BYSL: variants seen among roughly 807,000 people sequenced by gnomAD.
BYSL encodes the protein bystin.
A neutral mutation model predicts 45.4 loss-of-function variants in BYSL; 21 were observed. That is an observed-to-expected ratio of 0.46 (90% CI 0.33 to 0.67). The LOEUF (loss-of-function observed/expected upper bound fraction) is 0.67, where lower values mean the gene tolerates loss of function less well. BYSL is among the 30% of genes least tolerant of loss of function. The pLI is 0.02. For synonymous variants in BYSL, 215 were observed against 231.3 expected, an observed-to-expected ratio of 0.93 and a Z score of 0.64; for missense variants, 522 against 578.5, an observed-to-expected ratio of 0.90 and a Z score of 1.00.
intron 1 of BYSL, among the ~76,000 whole-genome samples, chr6:41,925,249 T>G (rs567055751): frequency 6.6e-6 from 1 of 152,222 alleles, no homozygotes; most frequent in Non-Finnish European, 1.5e-5. Context: ...CCTTTGTTGT[T>G]AATGACCTAT....
At chr6:41,921,100 C>T, upstream of BYSL, 1 of 1,560,314 alleles carries the variant, frequency 6.4e-7, no homozygotes, top group Non-Finnish European at 8.8e-7. Context: ...CTTCAGTTCC[C>T]CAACACAACC....
At chr6:41,916,317 C>T in the BYSL span, among the ~76,000 whole-genome samples, 1 of 151,904 alleles carries the variant, frequency 6.6e-6, no homozygotes, top group East Asian at 1.9e-4. Context: ...CAGTGGCTCA[C>T]GCCTGTAATC....
chr6:41,923,733 C>T lies in BYSL; in HGVS notation c.268+1903C>T, dbSNP rs72867183. The stretch of plus-strand genomic sequence containing the variant: ...TACAGGTGTGAGCTACTGCACCCTG[C>T]CGTGTCTCATACTCTCTACAAAGTA... On this transcript the variant is annotated intron_variant, in intron 1 of 6. Transcript: ENST00000230340. Among the ~76,000 whole-genome samples, 552 of 152,284 alleles carry T rather than the reference C, an allele frequency of 3.6e-3. 3 individuals carry two copies. Among genetic ancestry groups the T allele is most frequent in the Non-Finnish European group, 6.0e-3 (407 of 68,022 alleles).
intron 2 of BYSL, among the ~76,000 whole-genome samples, chr6:41,928,143 A>G (rs946665196): frequency 2.0e-5 from 3 of 152,204 alleles, no homozygotes; most frequent in African/African-American, 7.2e-5. Context: ...CATCTATAAT[A>G]AATGCTAGCT....
intron 4 of BYSL, 133 bp downstream of exon 4, chr6:41,930,901 C>T (rs1363350450): frequency 1.6e-6 from 2 of 1,264,382 alleles, no homozygotes; most frequent in Non-Finnish European, 2.1e-6. Flanking sequence ...TACTTTATAG[C>T]ATCATTTTTC....
At position 41,925,659 on chromosome 6, in the gene BYSL, G is replaced by T. The variant is rs556055188; in HGVS notation, c.269-1715G>T. 2.6e-3 allele frequency among the ~76,000 whole-genome samples: 374 copies of T among 146,648 alleles called. 1 individual carries two copies. Among genetic ancestry groups the T allele is most frequent in the Non-Finnish European group, 4.1e-3 (272 of 66,322 alleles). On this transcript the variant is annotated intron_variant, in intron 1 of 6. Transcript: ENST00000230340. ...ATTACAGGCGTGAGCCACCGCGCCC[G>T]GCCTATTTATTTTTATTTATTTATT...
In BYSL at chr6:41,927,400, G is replaced by C; in HGVS notation, c.295G>C (p.Asp99His). 6.2e-7 allele frequency: 1 copy of C among 1,614,206 alleles called. No individual in the cohort carries two copies. The highest frequency in any genetic ancestry group is 8.5e-7 in the Non-Finnish European group (1 of 1,180,016). Residue 99 changes from aspartate (D) to histidine (H), a missense_variant, in exon 2 of 7, where the codon GAT (aspartate) becomes CAT (histidine). Asp to His is a moderately conservative substitution (Grantham distance 81). Transcript: ENST00000230340. ...LGPRMPQDGSDDEDEEWPTLE... is the reference protein window; with the variant it reads ...LGPRMPQDGSHDEDEEWPTLE... ...TCCAAGAATGCCTCAGGATGGATCA[G>C]ATGACGAGGACGAGGAGTGGCCCAC...
At position 41,932,826 on chromosome 6, in the gene BYSL, A is replaced by C; in HGVS notation, c.*120A>C. On this transcript the variant is annotated 3_prime_UTR_variant, in exon 7 of 7. Transcript: ENST00000230340. The surrounding 1 kb of genome is among the most constrained non-coding windows in gnomAD (Gnocchi z 4.7). ...ACCCAGATCAGGGCAGTGACAGATCACAGGGACATCTGTGGCTCCCAGTCC... is the reference window on the plus strand; with the variant it reads ...ACCCAGATCAGGGCAGTGACAGATCCCAGGGACATCTGTGGCTCCCAGTCC... 1.9e-6 allele frequency: 2 copies of C among 1,073,550 alleles called. No individual in the cohort carries two copies. Among genetic ancestry groups the C allele is most frequent in the Non-Finnish European group, 2.6e-6 (2 of 760,300 alleles). 66.5% of individuals were successfully genotyped at this position (1,073,550 alleles called of 1,614,324 possible).
chr6:41,921,602 G>T lies in BYSL; in HGVS notation c.40G>T (p.Glu14Ter). 1 of 1,600,676 alleles carries T rather than the reference G, an allele frequency of 6.2e-7. No individual in the cohort carries two copies. The highest frequency in any genetic ancestry group is 1.7e-5 in the Admixed American group (1 of 58,248). Residue 14 changes from glutamate to a stop codon, truncating the protein, a stop_gained, in exon 1 of 7, where the codon GAA (glutamate) becomes TAA (stop). Coordinates refer to ENST00000230340, the MANE Select transcript of BYSL (RefSeq NM_004053.4). LOFTEE classifies it high-confidence loss of function. ...GGCGGCCCGTGGGGTGGGGGGTCAG[G>T]AAAAACATGCGCCCCTGGCCGATCA... Reference protein sequence around the residue: ...FKAARGVGGQEKHAPLADQIL... With the variant: ...FKAARGVGGQ
At chr6:41,918,941 G>A (rs1775387218), upstream of BYSL, among the ~76,000 whole-genome samples, 3 of 111,628 alleles carry the variant, frequency 2.7e-5, no homozygotes, top group African/African-American at 1.1e-4. Context: ...GCGACAGAGC[G>A]AGACTCCGTC....
chr6:41,920,805 C>T (rs1775442716), upstream of BYSL: 5 of 547,316 alleles, frequency 9.1e-6, no homozygotes, highest in Non-Finnish European at 1.5e-5. Flanking sequence ...AAAACCTTTG[C>T]TTTCCCGCCT....
chr6:41,927,634 C>A, intron 2 of BYSL, 98 bp downstream of exon 2: 1 of 1,468,846 alleles, frequency 6.8e-7, no homozygotes, highest in Non-Finnish European at 9.2e-7. Flanking sequence ...TTGGAAAGGG[C>A]CCTGGAGTTG....
At position 41,927,357 on chromosome 6, in the gene BYSL, A is replaced by AG; in HGVS notation, c.269-16dup. ...TACCTTTTGCTGTGCTCATCCATTT[A>AG]GTCTCCCCTCTTCTAGGTCCAAGAA... is the stretch of plus-strand genomic sequence containing the variant. On this transcript the variant is annotated splice_polypyrimidine_tract_variant and intron_variant, in intron 1 of 6. Coordinates refer to ENST00000230340, the MANE Select transcript of BYSL (RefSeq NM_004053.4). 6.2e-7 allele frequency: 1 copy of AG among 1,613,252 alleles called. No individual in the cohort carries two copies. The highest frequency in any genetic ancestry group is 8.5e-7 in the Non-Finnish European group (1 of 1,179,390).
the BYSL span, among the ~76,000 whole-genome samples, chr6:41,915,548 G>A: frequency 2.6e-5 from 4 of 152,102 alleles, no homozygotes; most frequent in Admixed American, 6.5e-5. Flanking sequence ...AGCACTTCGG[G>A]AGGCCGAGGC....
At chr6:41,918,557 T>C (rs1464866057), upstream of BYSL, among the ~76,000 whole-genome samples, 2 of 151,230 alleles carry the variant, frequency 1.3e-5, no homozygotes, top group African/African-American at 2.4e-5. Flanking sequence ...CTCACGCCTG[T>C]AATCCCAGCA....
Position 41,930,685 on chromosome 6 carries a change from C to T in BYSL, c.621C>T (p.Ile207=). Residue 207 remains isoleucine (I), a synonymous_variant, in exon 4 of 7, where the codon ATC becomes ATT. Transcript: ENST00000230340. ...SGKLPKAFKI[I]PALSNWEQIL... ...AACTGCCCAAGGCATTTAAGATCAT[C>T]CCTGCACTCTCCAACTGGGAGCAAA... The T allele has an allele frequency of 6.2e-7, 1 of 1,614,138 alleles. No homozygotes were observed. The highest frequency in any genetic ancestry group is 1.3e-5 in the African/African-American group (1 of 75,066).
chr6:41,914,275 C>G, the BYSL span, among the ~76,000 whole-genome samples: 35 of 152,228 alleles, frequency 2.3e-4, no homozygotes, highest in Non-Finnish European at 4.3e-4. Flanking sequence ...GCTAGAGACA[C>G]TGCCCAGAGC....
At chr6:41,923,072 A>C (rs577077788) in intron 1 of BYSL, among the ~76,000 whole-genome samples, 1 of 152,244 alleles carries the variant, frequency 6.6e-6, no homozygotes, top group Non-Finnish European at 1.5e-5. Flanking sequence ...CGTAGCCACC[A>C]CAGTCTCTCA....
rs879192180 is a variant in BYSL, at chr6:41,927,553, G to A, written c.431+17G>A. 5 of 1,611,816 alleles carry A rather than the reference G, an allele frequency of 3.1e-6. No homozygotes were observed. Among genetic ancestry groups the A allele is most frequent in the South Asian group, 2.2e-5 (2 of 90,976 alleles). ...TCCTGCCAGGTAGGCCTGGGGATTT[G>A]GGATAATGAGTCCTTGTAGAAAGTT... On this transcript the variant is annotated intron_variant, in intron 2 of 6. Coordinates refer to ENST00000230340, the MANE Select transcript of BYSL (RefSeq NM_004053.4).
Sources: allele counts gnomAD v4.1 joint callset (sites outside exome capture counted in the v4.1 genomes callset), GRCh38; gene constraint gnomAD v4.1.1; non-coding constraint Gnocchi (gnomAD v3.1); transcripts MANE v1.5; gene names NCBI Gene and HGNC (gene_info 2026-07-23, HGNC 2026-07-21).